Variants in GABBR2 observed in about 807,000 individuals in gnomAD.
GABBR2 encodes the protein gamma-aminobutyric acid type B receptor subunit 2, also known as G-protein coupled receptor 51.
A neutral mutation model predicts 105.6 loss-of-function variants in GABBR2; 23 were observed. The ratio of observed to expected loss-of-function variants is 0.22; its 90% CI spans 0.16 to 0.31. The LOEUF (loss-of-function observed/expected upper bound fraction) is 0.31. Among genes scored for constraint, GABBR2 ranks in the 10% least tolerant of loss-of-function variants. The pLI is 1.00. For missense variants in GABBR2, 734 were observed against 1,245.5 expected (o/e 0.59, Z 6.18); for synonymous variants, 478 against 499.7 (o/e 0.96, Z 0.58).
At chr9:98,565,976 C>T (rs374999227) in intron 2 of GABBR2, among the ~76,000 whole-genome samples, 1 of 152,252 alleles carries the variant, frequency 6.6e-6, no homozygotes, top group Admixed American at 6.5e-5. Flanking sequence ...CCGCAGAGCA[C>T]CTGCCCAGCG....
chr9:98,376,292 A>T (rs554452250), intron 11 of GABBR2, among the ~76,000 whole-genome samples: 3 of 152,118 alleles, frequency 2.0e-5, no homozygotes, highest in African/African-American at 7.2e-5. Context: ...TGGACATACA[A>T]CCTCTGCTGG....
Position 98,578,221 on chromosome 9 carries a change from C to T in GABBR2, c.322-149G>A. On this transcript the variant is annotated intron_variant, in intron 1 of 18. Transcript: ENST00000259455. ...AGTCTCCTTAAGCCAGCCCTGAGTC[C>T]ACGCTGTAAGCTCCAGGAGTGTGGT... 5 of 793,828 alleles carry T rather than the reference C, an allele frequency of 6.3e-6. No individual in the cohort carries two copies. In the South Asian group the frequency reaches 8.4e-5, roughly 13 times the overall value. 49.2% of individuals were successfully genotyped at this position (793,828 alleles called of 1,614,324 possible).
chr9:98,690,328 C>T (rs1306541894), intron 1 of GABBR2, among the ~76,000 whole-genome samples: 1 of 152,180 alleles, frequency 6.6e-6, no homozygotes, highest in African/African-American at 2.4e-5. Context: ...GTATTCTGAA[C>T]ACATCCTTCC....
chr9:98,506,291 G>T (rs779482356), intron 3 of GABBR2, among the ~76,000 whole-genome samples: 1 of 152,200 alleles, frequency 6.6e-6, no homozygotes, highest in Admixed American at 6.5e-5. Flanking sequence ...CCCCATGGAC[G>T]TGTCAGCTCC....
intron 7 of GABBR2, among the ~76,000 whole-genome samples, chr9:98,421,461 T>C (rs1222113807): frequency 6.6e-6 from 1 of 152,174 alleles, no homozygotes; most frequent in Non-Finnish European, 1.5e-5. Flanking sequence ...ACTTTACTTT[T>C]TGTTTCAATT....
chr9:98,422,069 C>T (rs1331180079), intron 7 of GABBR2, among the ~76,000 whole-genome samples: 2 of 152,044 alleles, frequency 1.3e-5, no homozygotes, highest in African/African-American at 4.8e-5. Flanking sequence ...CTAAAATCAA[C>T]GTGGTCTTAA....
intron 7 of GABBR2, among the ~76,000 whole-genome samples, chr9:98,416,096 G>T (rs1832685699): frequency 6.6e-6 from 1 of 152,142 alleles, no homozygotes; most frequent in Non-Finnish European, 1.5e-5. Flanking sequence ...AATTTCCGTG[G>T]TGTAAATACA....
At chr9:98,355,603 C>T (rs868307776) in intron 13 of GABBR2, among the ~76,000 whole-genome samples, 13 of 152,158 alleles carry the variant, frequency 8.5e-5, no homozygotes, top group Admixed American at 5.2e-4. Flanking sequence ...AAATATTTCA[C>T]GTTCATAGAT....
chr9:98,557,117 A>C (rs1221987544), intron 2 of GABBR2, among the ~76,000 whole-genome samples: 1 of 152,122 alleles, frequency 6.6e-6, no homozygotes, highest in Non-Finnish European at 1.5e-5. Flanking sequence ...CTAGTGCTAT[A>C]ATAGAAGATG....
chr9:98,571,785 A>C (rs7029361), intron 2 of GABBR2, among the ~76,000 whole-genome samples: 9,068 of 152,234 alleles, frequency 0.06, 353 homozygotes, highest in Middle Eastern at 0.12. Flanking sequence ...ACAGCCAGGC[A>C]GCGTGCTCCA....
At chr9:98,368,763 A>T (rs559850253) in intron 12 of GABBR2, among the ~76,000 whole-genome samples, 22 of 152,318 alleles carry the variant, frequency 1.4e-4, no homozygotes, top group Non-Finnish European at 2.6e-4. Context: ...GTTCAAGAGC[A>T]GAACAGCTCT....
chr9:98,510,725 C>A (rs1375448398), intron 3 of GABBR2, among the ~76,000 whole-genome samples: 1 of 151,756 alleles, frequency 6.6e-6, no homozygotes, highest in African/African-American at 2.4e-5. Context: ...AGCTAACTAT[C>A]CTAAATATAT....
chr9:98,621,681 A>T (rs979319505), intron 1 of GABBR2, among the ~76,000 whole-genome samples: 3 of 152,186 alleles, frequency 2.0e-5, no homozygotes, highest in Admixed American at 2.0e-4. Context: ...CCCAGGCCTC[A>T]TTTCTGAATC....
At chr9:98,293,931 T>C (rs1830341934) in intron 17 of GABBR2, 29 bp from the exon 18 acceptor site, 4 of 1,270,974 alleles carry the variant, frequency 3.1e-6, no homozygotes, top group African/African-American at 1.5e-5. Context: ...TACCACAACA[T>C]GTTCGGTTAA....
At chr9:98,313,953 G>A (rs1327238145) in intron 13 of GABBR2, among the ~76,000 whole-genome samples, 3 of 152,154 alleles carry the variant, frequency 2.0e-5, no homozygotes, top group Non-Finnish European at 2.9e-5. Flanking sequence ...GGACCTGGGG[G>A]TTCAGGCCAT....
chr9:98,630,757 G>T (rs1402438663), intron 1 of GABBR2, among the ~76,000 whole-genome samples: 4 of 152,106 alleles, frequency 2.6e-5, no homozygotes, highest in Admixed American at 6.5e-5. Context: ...TTAAAAAAAT[G>T]AAAAAGGAGA....
At chr9:98,562,247 G>A (rs984711955) in intron 2 of GABBR2, among the ~76,000 whole-genome samples, 1 of 152,016 alleles carries the variant, frequency 6.6e-6, no homozygotes, top group African/African-American at 2.4e-5. Context: ...GACAATTGTG[G>A]GACATTTTAT....
intron 1 of GABBR2, among the ~76,000 whole-genome samples, chr9:98,705,114 T>C (rs1033493472): frequency 2.0e-5 from 3 of 152,252 alleles, no homozygotes; most frequent in Admixed American, 1.3e-4. Context: ...GTAACTTCTA[T>C]GCTTCTACAT....
chr9:98,591,857 T>A (rs1313396078), intron 1 of GABBR2, among the ~76,000 whole-genome samples: 1 of 152,142 alleles, frequency 6.6e-6, no homozygotes, highest in Non-Finnish European at 1.5e-5. Flanking sequence ...GACCCCCACC[T>A]CATCTATGCT....
Sources: allele counts gnomAD v4.1 joint callset (sites outside exome capture counted in the v4.1 genomes callset), GRCh38; gene constraint gnomAD v4.1.1; transcripts MANE v1.5; gene names NCBI Gene and HGNC (gene_info 2026-07-23, HGNC 2026-07-21).